The following NXPE4 variants were observed in gnomAD, a reference collection of about 807,000 sequenced individuals.
The protein encoded by NXPE4 is neurexophilin and PC-esterase domain family member 4.
A neutral mutation model predicts 33.3 loss-of-function variants in NXPE4; 42 were observed. That is an observed-to-expected ratio of 1.26 (90% CI 0.98 to 1.63). NXPE4 has a LOEUF of 1.63. Ranked by LOEUF, NXPE4 falls within the 40% of genes most tolerant of loss-of-function variation. The pLI, the probability that NXPE4 is intolerant of heterozygous loss-of-function variation, is 0.00. For synonymous variants in NXPE4, 253 were observed against 234.9 expected (o/e 1.08, Z -0.71); for missense variants, 709 against 647.6 (o/e 1.09, Z -1.03).
the NXPE4 span, among the ~76,000 whole-genome samples, chr11:114,635,860 G>T: frequency 1.3e-5 from 2 of 151,940 alleles, no homozygotes. Context: ...TGCTGTATTC[G>T]GTTTGCCAGT....
At chr11:114,581,643 A>G in intron 4 of NXPE4, 82 bp downstream of exon 4, 2 of 1,148,786 alleles carry the variant, frequency 1.7e-6, no homozygotes, top group Non-Finnish European at 2.6e-6. Flanking sequence ...GGACTGAAAC[A>G]GTGAACAAAT....
the NXPE4 span, among the ~76,000 whole-genome samples, chr11:114,671,173 A>G: frequency 6.6e-6 from 1 of 150,854 alleles, no homozygotes; most frequent in Admixed American, 6.6e-5. Flanking sequence ...GTGATACTTA[A>G]CAGTAGATTT....
At chr11:114,631,086 C>G in the NXPE4 span, among the ~76,000 whole-genome samples, 1 of 151,898 alleles carries the variant, frequency 6.6e-6, no homozygotes, top group Admixed American at 6.6e-5. Flanking sequence ...GGACTGTAAA[C>G]TAGTTCAATC....
the NXPE4 span, among the ~76,000 whole-genome samples, chr11:114,662,778 T>A: frequency 6.6e-6 from 1 of 152,130 alleles, no homozygotes; most frequent in South Asian, 2.1e-4. Context: ...CCGAGTGACA[T>A]TTCTGGATGC....
the NXPE4 span, among the ~76,000 whole-genome samples, chr11:114,632,446 A>T: frequency 7.7e-6 from 1 of 130,418 alleles, no homozygotes; most frequent in African/African-American, 2.8e-5. Flanking sequence ...ATAATATATA[A>T]TTTATAAGAG....
At chr11:114,641,454 C>T in the NXPE4 span, among the ~76,000 whole-genome samples, 2 of 152,008 alleles carry the variant, frequency 1.3e-5, no homozygotes, top group South Asian at 4.2e-4. Context: ...AAATATTTGA[C>T]AATGAATAAC....
chr11:114,585,839 T>C (rs2135253552), intron 2 of NXPE4, among the ~76,000 whole-genome samples: 1 of 152,270 alleles, frequency 6.6e-6, no homozygotes, highest in East Asian at 1.9e-4. Context: ...CATGGGTGAA[T>C]GCTGGCGGCT....
At position 114,582,222 on chromosome 11, in the gene NXPE4, T is replaced by C. The variant is rs1949161986; in HGVS notation, c.830+66A>G. On this transcript the variant is annotated intron_variant, in intron 3 of 5. Coordinates refer to ENST00000375478, the MANE Select transcript of NXPE4 (RefSeq NM_001077639.2). ...ATTAATACACTCACAAGACTTTTCTTTGGATCAGTATATAGGCCAAATCAC... is the reference window on the plus strand; with the variant it reads ...ATTAATACACTCACAAGACTTTTCTCTGGATCAGTATATAGGCCAAATCAC... 8.8e-6 allele frequency: 13 copies of C among 1,481,334 alleles called. 1 individual carries two copies. Among genetic ancestry groups the C allele is most frequent in the Non-Finnish European group, 1.2e-5 (13 of 1,111,420 alleles). The allele number at this position is 1,481,334 out of a possible 1,614,324, so 91.8% of individuals were successfully genotyped here.
At chr11:114,599,374 A>G (rs918979477), upstream of NXPE4, among the ~76,000 whole-genome samples, 1 of 152,152 alleles carries the variant, frequency 6.6e-6, no homozygotes, top group Non-Finnish European at 1.5e-5. Flanking sequence ...AGGAAGTTCC[A>G]AAGTTTCTCT....
chr11:114,642,874 T>C, the NXPE4 span, among the ~76,000 whole-genome samples: 5 of 152,166 alleles, frequency 3.3e-5, no homozygotes, highest in African/African-American at 9.6e-5. Flanking sequence ...ATTTACACTC[T>C]CACCAACAGT....
At chr11:114,621,686 T>C in the NXPE4 span, among the ~76,000 whole-genome samples, 4 of 152,276 alleles carry the variant, frequency 2.6e-5, no homozygotes, top group African/African-American at 9.6e-5. Flanking sequence ...TGATGCCTCA[T>C]TGGTAACCAC....
intron 2 of NXPE4, among the ~76,000 whole-genome samples, chr11:114,594,207 G>T (rs1949526509): frequency 6.6e-6 from 1 of 151,996 alleles, no homozygotes; most frequent in Non-Finnish European, 1.5e-5. Context: ...CACAAGAAAG[G>T]ATAAATTCTT....
chr11:114,613,153 CTG>C, the NXPE4 span, among the ~76,000 whole-genome samples: 2 of 151,546 alleles, frequency 1.3e-5, no homozygotes, highest in Non-Finnish European at 1.5e-5. Context: ...TAGATAACGA[CTG>C]TTACCCGATG....
At chr11:114,662,202 A>G in the NXPE4 span, among the ~76,000 whole-genome samples, 5 of 150,102 alleles carry the variant, frequency 3.3e-5, no homozygotes, top group Non-Finnish European at 5.9e-5. Flanking sequence ...TTGGTGACAT[A>G]GTGTGGAGAG....
rs759783347 is a variant in NXPE4 at position 114,582,559 on chromosome 11, C to G, written c.559G>C (p.Gly187Arg). 3.7e-6 allele frequency: 6 copies of G among 1,614,198 alleles called. No homozygotes were observed. The highest frequency in any genetic ancestry group is 5.1e-6 in the Non-Finnish European group (6 of 1,180,012). The change falls in exon 3 of 6, where the codon GGG becomes CGG. Residue 187 changes from glycine to arginine, a missense_variant. Gly to Arg is a moderately radical substitution (Grantham distance 125, BLOSUM62 -2). Transcript: ENST00000375478. ...LSLLLIHPSE[G>R]VSALWSARNQ... ...CTTGCACTCCAGAGAGCTGACACCCCTTCACTGGGGTGGATGAGCAGCAGA... is the reference window on the plus strand; with the variant it reads ...CTTGCACTCCAGAGAGCTGACACCCGTTCACTGGGGTGGATGAGCAGCAGA...
the NXPE4 span, among the ~76,000 whole-genome samples, chr11:114,668,615 TAGGATCTGCTC>T: frequency 6.6e-6 from 1 of 152,028 alleles, no homozygotes; most frequent in Non-Finnish European, 1.5e-5. Context: ...CACAGTATTC[TAGGATCTGCTC>T]AGAGCAAGTG....
the NXPE4 span, among the ~76,000 whole-genome samples, chr11:114,611,793 G>C: frequency 6.6e-6 from 1 of 151,858 alleles, no homozygotes; most frequent in Admixed American, 6.6e-5. Context: ...TGGATAATAA[G>C]TGTTGCCTCT....
chr11:114,645,539 AT>A, the NXPE4 span, among the ~76,000 whole-genome samples: 8 of 152,194 alleles, frequency 5.3e-5, no homozygotes, highest in Admixed American at 5.2e-4. Flanking sequence ...ATTTAACTAT[AT>A]TAAATTTTTG....
rs1041470226 is a variant in NXPE4, at chr11:114,580,473, T to A, written c.893-135A>T. Reference sequence around the variant, plus strand: ...AATGGTGGAAAAAGTATTACTGAAGTATTCTCTTAATGGAACAGCTGTTTT... The same window carrying A: ...AATGGTGGAAAAAGTATTACTGAAGAATTCTCTTAATGGAACAGCTGTTTT... On this transcript the variant is annotated intron_variant, in intron 4 of 5. Coordinates refer to ENST00000375478, the MANE Select transcript of NXPE4 (RefSeq NM_001077639.2). 4 of 682,822 alleles carry A rather than the reference T, an allele frequency of 5.9e-6. No individual in the cohort carries two copies. In the Admixed American group the frequency reaches 1.1e-4, roughly 19 times the overall value. The allele number at this position is 682,822 out of a possible 1,614,324, so 42.3% of individuals were successfully genotyped here. A position where few individuals can be genotyped will look rare whatever the true frequency, so the allele number is the denominator to read the frequency against.
Sources: gnomAD v4.1 joint callset for allele counts (sites outside exome capture counted in the v4.1 genomes callset) on GRCh38, gnomAD v4.1.1 for gene constraint, MANE v1.5 for transcripts, NCBI Gene and HGNC (gene_info 2026-07-23, HGNC 2026-07-21) for gene names.